Variants in ASMT observed in about 807,000 individuals in gnomAD.
ASMT encodes acetylserotonin N-methyltransferase.
In ASMT, 53 loss-of-function variants were observed where a neutral mutation model predicts 41.3. The ratio of observed to expected loss-of-function variants is 1.28; its 90% CI spans 1.03 to 1.61. ASMT has a LOEUF of 1.61. ASMT is among the 40% of genes most tolerant of loss of function. The probability of loss-of-function intolerance (pLI) is 0.00; values close to 1 mark genes in which losing one functional copy is unlikely to be tolerated. For synonymous variants in ASMT, 231 were observed against 184.8 expected, an observed-to-expected ratio of 1.25 and a Z score of -2.03; for missense variants, 531 against 441.3, an observed-to-expected ratio of 1.20 and a Z score of -1.82.
At chrX:1,641,381 G>GCTC (rs1426056536) in intron 8 of ASMT, among the ~76,000 whole-genome samples, 2 of 137,866 alleles carry the variant, frequency 1.5e-5, no homozygotes, top group Non-Finnish European at 1.6e-5. Context: ...CCATGTCCCA[G>GCTC]TGTCCTGTGA....
intron 3 of ASMT, among the ~76,000 whole-genome samples, chrX:1,625,885 G>C (rs112922663): frequency 6.7e-6 from 1 of 149,736 alleles, no homozygotes; most frequent in Non-Finnish European, 1.5e-5. Flanking sequence ...AACCCGGGAG[G>C]CGGAGGTTGC....
At chrX:1,637,089 A>G (rs112623219) in intron 8 of ASMT, among the ~76,000 whole-genome samples, 1,426 of 71,158 alleles carry the variant, frequency 0.02, 51 homozygotes, top group African/African-American at 0.029. Flanking sequence ...GTGTGAGATA[A>G]GGACTGTGTC....
intron 1 of ASMT, 112 bp downstream of exon 1, chrX:1,615,380 A>G (rs1425091105): frequency 2.8e-6 from 3 of 1,088,844 alleles, no homozygotes; most frequent in East Asian, 2.6e-5. Context: ...TAGGAGGTTT[A>G]TTTTCCACCG....
At chrX:1,627,799 A>G (rs1217357127) in intron 4 of ASMT, 28 bp downstream of exon 4, 4 of 1,601,998 alleles carry the variant, frequency 2.5e-6, no homozygotes, top group South Asian at 2.2e-5. Context: ...GAAACCAACA[A>G]CTCAGATAAG....
intron 4 of ASMT, among the ~76,000 whole-genome samples, chrX:1,629,260 C>G (rs761973652): frequency 6.6e-6 from 1 of 152,118 alleles, no homozygotes; most frequent in African/African-American, 2.4e-5. Context: ...TTTCAGCCCT[C>G]GCTACTCTGA....
chrX:1,629,324 TG>T (rs1225801382), intron 4 of ASMT, among the ~76,000 whole-genome samples: 20 of 151,668 alleles, frequency 1.3e-4, no homozygotes, highest in African/African-American at 4.8e-4. Context: ...GAGGGAGCTG[TG>T]GGGGGGGAGG....
At chrX:1,616,649 C>T (rs1414469233) in intron 1 of ASMT, among the ~76,000 whole-genome samples, 13 of 151,448 alleles carry the variant, frequency 8.6e-5, no homozygotes, top group East Asian at 3.9e-4. Context: ...ACGAGGGAAT[C>T]GCTTTAGCCC....
chrX:1,636,311 CA>C (rs1934960509), intron 7 of ASMT, 126 bp from the exon 8 acceptor site: 1 of 1,366,066 alleles, frequency 7.3e-7, no homozygotes, highest in African/African-American at 1.4e-5. Context: ...GCTAGGTCTG[CA>C]GGTGACTAGC....
intron 1 of ASMT, among the ~76,000 whole-genome samples, chrX:1,616,477 G>C (rs180860411): frequency 1.3e-5 from 2 of 151,492 alleles, no homozygotes; most frequent in Non-Finnish European, 3.0e-5. Context: ...AACGGAGACA[G>C]TGTCCCTTTT....
At chrX:1,628,820 T>C in intron 4 of ASMT, among the ~76,000 whole-genome samples, 1 of 66,530 alleles carries the variant, frequency 1.5e-5, no homozygotes, top group Non-Finnish European at 3.0e-5. Flanking sequence ...CTCCTTCTCC[T>C]CTCCCGTCTT....
intron 3 of ASMT, among the ~76,000 whole-genome samples, chrX:1,626,169 G>C (rs766557344): frequency 6.6e-6 from 1 of 151,646 alleles, no homozygotes; most frequent in Non-Finnish European, 1.5e-5. Context: ...ACAACAGGTA[G>C]CTTTACAGGA....
At chrX:1,642,632 G>T (rs1381290413) in intron 8 of ASMT, among the ~76,000 whole-genome samples, 171 bp from the exon 9 acceptor site, 1 of 152,154 alleles carries the variant, frequency 6.6e-6, no homozygotes, top group Non-Finnish European at 1.5e-5. Flanking sequence ...GTCCTGTGAG[G>T]TTCACCCATC....
Position 1,615,184 on chromosome X carries a change from C to T in ASMT, c.-16C>T, listed in dbSNP as rs768909498. On this transcript the variant is annotated 5_prime_UTR_variant, in exon 1 of 9. Transcript: ENST00000381241. ...GCTCCAGAGGCTCCGGAAGCCACGGCTGGATTGGAGACAAGATGGGATCCT... is the reference window on the plus strand; with the variant it reads ...GCTCCAGAGGCTCCGGAAGCCACGGTTGGATTGGAGACAAGATGGGATCCT... 5 of 1,584,610 alleles carry T rather than the reference C, an allele frequency of 3.2e-6. No homozygotes were observed. Among genetic ancestry groups the T allele is most frequent in the Admixed American group, 1.8e-5 (1 of 55,342 alleles).
intron 1 of ASMT, among the ~76,000 whole-genome samples, chrX:1,615,759 A>ATG (rs1569367393): frequency 4.6e-5 from 7 of 151,778 alleles, no homozygotes; most frequent in Non-Finnish European, 8.8e-5. Context: ...CCGAGATCGC[A>ATG]CCACTGCACT....
chrX:1,619,147 G>A (rs1156879807), intron 1 of ASMT, among the ~76,000 whole-genome samples: 9 of 152,128 alleles, frequency 5.9e-5, no homozygotes, highest in Non-Finnish European at 8.8e-5. Flanking sequence ...TGTAATCCCA[G>A]CACTTTGGGA....
At chrX:1,626,234 CTTTTT>C (rs34658281) in intron 3 of ASMT, among the ~76,000 whole-genome samples, 6 of 127,240 alleles carry the variant, frequency 4.7e-5, no homozygotes, top group Admixed American at 8.4e-5. Context: ...TTTTTATTTC[CTTTTT>C]TTTTTTTTTT....
At chrX:1,633,323 G>A (rs1402382873) in intron 7 of ASMT, 33 bp downstream of exon 7, 1 of 1,613,522 alleles carries the variant, frequency 6.2e-7, no homozygotes, top group African/African-American at 1.3e-5. Context: ...GCAGAGATGT[G>A]TCTCACGGCT....
chrX:1,627,855 C>G (rs1298139269), intron 4 of ASMT, 84 bp downstream of exon 4: 4 of 1,248,638 alleles, frequency 3.2e-6, no homozygotes, highest in Non-Finnish European at 4.7e-6. Context: ...TCCATTTACT[C>G]AAATGGCACA....
intron 3 of ASMT, among the ~76,000 whole-genome samples, chrX:1,626,372 G>A (rs1361788314): frequency 6.6e-6 from 1 of 151,848 alleles, no homozygotes; most frequent in African/African-American, 2.4e-5. Flanking sequence ...GTAGCTGGGA[G>A]TATAGGCATC....
Sources: gnomAD v4.1 joint callset for allele counts (sites outside exome capture counted in the v4.1 genomes callset) on GRCh38, gnomAD v4.1.1 for gene constraint, MANE v1.5 for transcripts, NCBI Gene and HGNC (gene_info 2026-07-23, HGNC 2026-07-21) for gene names.